Variants in TRPM3 observed in about 807,000 individuals in gnomAD.
TRPM3 encodes long transient receptor potential channel 3.
In TRPM3, 77 loss-of-function variants were observed where a neutral mutation model predicts 181.2. The observed-to-expected ratio is 0.42, with a 90% CI of 0.35 to 0.51. TRPM3 has a LOEUF of 0.51. TRPM3 is among the 20% of genes least tolerant of loss of function. The pLI is 0.01. For missense variants in TRPM3, 1,759 were observed against 2,196.7 expected, an observed-to-expected ratio of 0.80 and a Z score of 3.98; for synonymous variants, 745 against 796.4, an observed-to-expected ratio of 0.94 and a Z score of 1.09.
Position 70,537,198 on chromosome 9 carries a change from G to C in TRPM3, c.3915C>G (p.Ala1305=), listed in dbSNP as rs1028025139. Residue 1305 remains alanine (A), a synonymous_variant, in exon 26 of 26, where the codon GCC becomes GCG. Transcript: ENST00000677713. ...SRTSSDCTDA[A]YIVRQSSFNS... ...TGAAGCTGCTCTGACGGACAATGTA[G>C]GCGGCGTCCGTGCAGTCTGACGAGG... 2 of 1,594,916 alleles carry C rather than the reference G, an allele frequency of 1.3e-6. No individual in the cohort carries two copies. The highest frequency in any genetic ancestry group is 1.7e-6 in the Non-Finnish European group (2 of 1,166,196).
intron 9 of TRPM3, among the ~76,000 whole-genome samples, chr9:70,650,262 A>C (rs773268997): frequency 6.6e-5 from 10 of 152,188 alleles, no homozygotes; most frequent in Admixed American, 1.3e-4. Context: ...CCACAGGGGC[A>C]TGCAATTTGC....
In TRPM3 at chr9:70,753,981, G is replaced by T. The variant is rs575735570; in HGVS notation, c.1272+7620C>A. 3.9e-5 allele frequency among the ~76,000 whole-genome samples: 6 copies of T among 152,204 alleles called. No homozygotes were observed. In the South Asian group the frequency reaches 1.2e-3, roughly 32 times the overall value. On this transcript the variant is annotated intron_variant, in intron 8 of 25. Coordinates refer to ENST00000677713, the MANE Select transcript of TRPM3 (RefSeq NM_001366145.2). The stretch of plus-strand genomic sequence containing the variant: ...TTGTCATCACCATGACTTGTTTAGG[G>T]CCACACAACCATGGGGCTTACAATG...
At chr9:70,630,710 C>T (rs1296070262) in intron 12 of TRPM3, among the ~76,000 whole-genome samples, 3 of 152,154 alleles carry the variant, frequency 2.0e-5, no homozygotes, top group Non-Finnish European at 4.4e-5. Context: ...CTATTATTTC[C>T]CATTTCATGC....
At chr9:70,595,161 T>A (rs2058785316) in intron 21 of TRPM3, among the ~76,000 whole-genome samples, 1 of 152,214 alleles carries the variant, frequency 6.6e-6, no homozygotes, top group African/African-American at 2.4e-5. Context: ...GATTTTAAAA[T>A]AATCTCGCTG....
At chr9:70,849,904 C>T (rs372528453) in intron 3 of TRPM3, among the ~76,000 whole-genome samples, 5 of 152,068 alleles carry the variant, frequency 3.3e-5, no homozygotes, top group East Asian at 1.9e-4. Context: ...TCTATTCTTT[C>T]GTTAAAGTAT....
In TRPM3 at chr9:70,846,231, A is replaced by G. The variant is rs1035955429; in HGVS notation, c.676+147T>C. The G allele has an allele frequency of 5.7e-6, 4 of 707,128 alleles. No individual in the cohort carries two copies. In the South Asian group the frequency reaches 7.1e-5, roughly 12 times the overall value. 43.8% of individuals were successfully genotyped at this position (707,128 alleles called of 1,614,324 possible). The stretch of plus-strand genomic sequence containing the variant: ...ATAACTTTACAGTTCTCATTTAGAT[A>G]AAGGAGGGAGTGATAACCAGCAACT... On this transcript the variant is annotated intron_variant, in intron 4 of 25. Transcript: ENST00000677713.
Position 70,543,825 on chromosome 9 carries a change from G to T in TRPM3, c.3707+5717C>A, listed in dbSNP as rs75296615. The stretch of plus-strand genomic sequence containing the variant: ...TGACAAGTGAAGCCTGGTAGGTGGG[G>T]TGATGGTGGATGATCTGGATGCTTT... On this transcript the variant is annotated intron_variant, in intron 25 of 25. Transcript: ENST00000677713. Among the ~76,000 whole-genome samples, 1,230 of 152,312 alleles carry T rather than the reference G, an allele frequency of 8.1e-3. 33 individuals carry two copies. The East Asian group carries it at 0.098, about 12-fold the overall frequency.
intron 1 of TRPM3, among the ~76,000 whole-genome samples, chr9:71,302,443 T>C (rs898086934): frequency 6.6e-6 from 1 of 152,202 alleles, no homozygotes; most frequent in African/African-American, 2.4e-5. Flanking sequence ...AGATCTGCAA[T>C]GCATGAGCTT....
intron 1 of TRPM3, among the ~76,000 whole-genome samples, chr9:71,405,123 G>A (rs1385748113): frequency 6.6e-6 from 1 of 152,028 alleles, no homozygotes; most frequent in African/African-American, 2.4e-5. Context: ...TATATTTCTT[G>A]CCTCATACGA....
intron 10 of TRPM3, among the ~76,000 whole-genome samples, chr9:70,639,736 CT>C (rs75475247): frequency 0.15 from 22,947 of 152,160 alleles, 2,292 homozygotes; most frequent in East Asian, 0.39. Flanking sequence ...AACCAGCCTA[CT>C]TTCTGGATTT....
At chr9:71,437,183 T>C (rs559049046) in intron 1 of TRPM3, among the ~76,000 whole-genome samples, 72 of 152,306 alleles carry the variant, frequency 4.7e-4, no homozygotes, top group African/African-American at 1.7e-3. Context: ...TAACTCAGAA[T>C]GAGAAAATAG....
intron 1 of TRPM3, among the ~76,000 whole-genome samples, chr9:71,235,943 G>C (rs2081328640): frequency 6.6e-6 from 1 of 152,148 alleles, no homozygotes; most frequent in Non-Finnish European, 1.5e-5. Flanking sequence ...CTTACAAAAT[G>C]CTTCATAACT....
intron 1 of TRPM3, among the ~76,000 whole-genome samples, chr9:71,395,906 G>C (rs746324611): frequency 6.6e-6 from 1 of 152,118 alleles, no homozygotes; most frequent in Non-Finnish European, 1.5e-5. Flanking sequence ...TTTCTACTGG[G>C]TATGAATTTG....
chr9:71,376,940 A>G (rs746209013), intron 1 of TRPM3, among the ~76,000 whole-genome samples: 2 of 152,094 alleles, frequency 1.3e-5, no homozygotes, highest in Non-Finnish European at 2.9e-5. Flanking sequence ...ATTCTCTGGA[A>G]GAATAGACTT....
intron 1 of TRPM3, among the ~76,000 whole-genome samples, chr9:71,427,478 T>C (rs2093884894): frequency 1.3e-5 from 2 of 152,034 alleles, no homozygotes; most frequent in African/African-American, 4.8e-5. Context: ...AAAATAGTGT[T>C]ATCCTCACTA....
At chr9:71,421,291 A>AC (rs1399068502) in intron 1 of TRPM3, among the ~76,000 whole-genome samples, 1 of 151,790 alleles carries the variant, frequency 6.6e-6, no homozygotes, top group Non-Finnish European at 1.5e-5. Context: ...GATCAATTGT[A>AC]CCCCAAACTT....
At chr9:71,010,912 G>GACACACAC (rs59803868) in intron 1 of TRPM3, among the ~76,000 whole-genome samples, 3 of 139,352 alleles carry the variant, frequency 2.2e-5, no homozygotes, top group African/African-American at 8.1e-5. Context: ...TAAAGAAAAT[G>GACACACAC]ACACACACAC....
At chr9:70,572,511 G>T (rs2052712786) in intron 22 of TRPM3, among the ~76,000 whole-genome samples, 1 of 151,918 alleles carries the variant, frequency 6.6e-6, no homozygotes, top group African/African-American at 2.4e-5. Context: ...ATTCTTCTTA[G>T]TTTCCTCCGG....
At chr9:70,793,081 G>T (rs1488675477) in intron 6 of TRPM3, among the ~76,000 whole-genome samples, 1 of 151,920 alleles carries the variant, frequency 6.6e-6, no homozygotes, top group Non-Finnish European at 1.5e-5. Flanking sequence ...TAACTTCTTA[G>T]CCCATGAGCT....
Sources: gnomAD v4.1 joint callset for allele counts (sites outside exome capture counted in the v4.1 genomes callset) on GRCh38, gnomAD v4.1.1 for gene constraint, MANE v1.5 for transcripts, NCBI Gene and HGNC (gene_info 2026-07-23, HGNC 2026-07-21) for gene names.